The following JAM2 variants were observed in gnomAD, a reference collection of about 807,000 sequenced individuals.
The protein encoded by JAM2 is junctional adhesion molecule 2, also known as junctional adhesion molecule B.
JAM2 carries 17 observed loss-of-function variants against 42.0 expected under a neutral mutation model. The ratio of observed to expected loss-of-function variants is 0.40; its 90% confidence interval spans 0.28 to 0.61. The LOEUF (loss-of-function observed/expected upper bound fraction) is 0.61. Among genes scored for constraint, JAM2 ranks in the 20% least tolerant of loss-of-function variants. The pLI, the probability that JAM2 is intolerant of heterozygous loss-of-function variation, is 0.37. For missense variants in JAM2, 319 were observed against 358.3 expected (o/e 0.89, Z 0.89); for synonymous variants, 118 against 128.6 (o/e 0.92, Z 0.56).
intron 4 of JAM2, 94 bp from the exon 5 acceptor site, chr21:25,698,583 A>G: frequency 9.3e-7 from 1 of 1,070,524 alleles, no homozygotes; most frequent in Non-Finnish European, 1.4e-6. Context: ...TATTAAAACC[A>G]TTGATTGTAG....
intron 7 of JAM2, among the ~76,000 whole-genome samples, chr21:25,708,397 T>C (rs1165652130): frequency 1.3e-5 from 2 of 152,096 alleles, no homozygotes; most frequent in African/African-American, 4.8e-5. Flanking sequence ...AGGGAGACCC[T>C]TTCTTTACAA....
chr21:25,662,850 A>G (rs1015146226), intron 1 of JAM2, among the ~76,000 whole-genome samples: 1 of 152,194 alleles, frequency 6.6e-6, no homozygotes, highest in Non-Finnish European at 1.5e-5. Context: ...ATTGTGGGTT[A>G]AGTATGATGT....
At chr21:25,641,191 CAG>C (rs1170977729) in intron 1 of JAM2, among the ~76,000 whole-genome samples, 2 of 140,278 alleles carry the variant, frequency 1.4e-5, no homozygotes, top group Admixed American at 7.4e-5. Context: ...TAAAAGGCAA[CAG>C]AGAGGTAGGC....
chr21:25,689,205 T>A (rs115037598), intron 2 of JAM2, among the ~76,000 whole-genome samples: 1 of 152,298 alleles, frequency 6.6e-6, no homozygotes, highest in African/African-American at 2.4e-5. Flanking sequence ...TGAGGCAAGG[T>A]TATATAGGCA....
At chr21:25,643,337 C>T (rs145407421) in intron 1 of JAM2, among the ~76,000 whole-genome samples, 32 of 152,126 alleles carry the variant, frequency 2.1e-4, no homozygotes, top group Non-Finnish European at 4.6e-4. Context: ...TCTCTCAGAG[C>T]CAAGGAGCTG....
At chr21:25,700,814 C>T (rs781425253) in intron 5 of JAM2, among the ~76,000 whole-genome samples, 1 of 152,234 alleles carries the variant, frequency 6.6e-6, no homozygotes, top group Non-Finnish European at 1.5e-5. Flanking sequence ...ACTTCTTAAG[C>T]TCTGGCCTCT....
At chr21:25,654,294 T>C (rs1227500302) in intron 1 of JAM2, among the ~76,000 whole-genome samples, 1 of 152,214 alleles carries the variant, frequency 6.6e-6, no homozygotes, top group Non-Finnish European at 1.5e-5. Flanking sequence ...ATTGGAGCTT[T>C]ACAATGGAAG....
chr21:25,639,851 C>CCTG lies in JAM2; in HGVS notation c.41_43dup (p.Leu14dup), dbSNP rs763321051. The CCTG allele has an allele frequency of 3.1e-6, 5 of 1,594,228 alleles. No homozygotes were observed. The highest frequency in any genetic ancestry group is 4.3e-6 in the Non-Finnish European group (5 of 1,172,166). On this transcript the variant is annotated inframe_insertion, in exon 1 of 10. Coordinates refer to ENST00000480456, the MANE Select transcript of JAM2 (RefSeq NM_021219.4). Reference sequence around the variant, plus strand: ...CGAGGAGGAGCCGCCACCGCCTCCTCCTGCTGCTGCTGCGCTACCTGGTGG... The same window carrying CCTG: ...CGAGGAGGAGCCGCCACCGCCTCCTCCTGCTGCTGCTGCTGCGCTACCTGGTGG...
intron 3 of JAM2, among the ~76,000 whole-genome samples, chr21:25,691,551 A>G (rs2033881410): frequency 6.6e-6 from 1 of 152,222 alleles, no homozygotes; most frequent in Admixed American, 6.5e-5. Flanking sequence ...TGAATATGTT[A>G]CTATCAAAAA....
intron 1 of JAM2, among the ~76,000 whole-genome samples, chr21:25,647,920 G>A (rs2032658850): frequency 1.3e-5 from 2 of 152,202 alleles, no homozygotes; most frequent in African/African-American, 4.8e-5. Context: ...TTTAAAAAAT[G>A]CACTAGAGGG....
intron 3 of JAM2, among the ~76,000 whole-genome samples, chr21:25,691,527 C>G (rs1217112758): frequency 6.6e-6 from 1 of 152,178 alleles, no homozygotes; most frequent in East Asian, 1.9e-4. Flanking sequence ...GGGTGCAAAA[C>G]ACTATTTTAA....
intron 5 of JAM2, among the ~76,000 whole-genome samples, chr21:25,701,752 G>A (rs974665698): frequency 1.3e-5 from 2 of 152,158 alleles, no homozygotes; most frequent in Admixed American, 1.3e-4. Flanking sequence ...CTGCTGCAGT[G>A]AACTCGCTTG....
At chr21:25,672,305 A>T (rs1208723698) in intron 1 of JAM2, among the ~76,000 whole-genome samples, 2 of 152,014 alleles carry the variant, frequency 1.3e-5, no homozygotes, top group Non-Finnish European at 2.9e-5. Flanking sequence ...CCTGACCCAA[A>T]CAGCCCCTGA....
intron 1 of JAM2, among the ~76,000 whole-genome samples, chr21:25,642,856 AAAC>A (rs2032485197): frequency 6.6e-6 from 1 of 152,214 alleles, no homozygotes; most frequent in African/African-American, 2.4e-5. Context: ...AGTAGCTTAT[AAAC>A]AACGTTTATT....
intron 1 of JAM2, among the ~76,000 whole-genome samples, chr21:25,679,596 G>A (rs1196540042): frequency 6.6e-6 from 1 of 152,202 alleles, no homozygotes; most frequent in East Asian, 1.9e-4. Context: ...AACAAAGAAT[G>A]ATTGAGTGCC....
chr21:25,702,709 T>G (rs536269174), intron 6 of JAM2, among the ~76,000 whole-genome samples: 4 of 152,242 alleles, frequency 2.6e-5, no homozygotes, highest in Non-Finnish European at 5.9e-5. Flanking sequence ...CTTATTTAAG[T>G]AATCAGAAAG....
At chr21:25,657,390 C>G (rs2032967827) in intron 1 of JAM2, among the ~76,000 whole-genome samples, 1 of 152,184 alleles carries the variant, frequency 6.6e-6, no homozygotes, top group Admixed American at 6.5e-5. Flanking sequence ...TTCAAAAGGA[C>G]AGGGTTGGTG....
intron 1 of JAM2, among the ~76,000 whole-genome samples, chr21:25,667,309 G>C (rs28581652): frequency 0.06 from 9,175 of 152,256 alleles, 309 homozygotes; most frequent in Middle Eastern, 0.092. Context: ...TGAAGCAGAT[G>C]ATTCTCCTTC....
chr21:25,698,023 G>A (rs2034080442), intron 4 of JAM2, among the ~76,000 whole-genome samples: 1 of 150,988 alleles, frequency 6.6e-6, no homozygotes, highest in Non-Finnish European at 1.5e-5. Context: ...TCTCTCATTA[G>A]GCTTCTTTTA....
Sources: gnomAD v4.1 joint callset for allele counts (sites outside exome capture counted in the v4.1 genomes callset) on GRCh38, gnomAD v4.1.1 for gene constraint, MANE v1.5 for transcripts, NCBI Gene and HGNC (gene_info 2026-07-23, HGNC 2026-07-21) for gene names.